The following ABCA13 variants were observed in gnomAD, a reference collection of about 807,000 sequenced individuals.
ABCA13 encodes ATP-binding cassette sub-family A member 13.
A neutral mutation model predicts 478.7 loss-of-function variants in ABCA13; 476 were observed. That is an observed-to-expected ratio of 0.99 (90% CI 0.92 to 1.07). The LOEUF is 1.07. Among genes scored for constraint, ABCA13 ranks in the 50% least tolerant of loss-of-function variants. The pLI, the probability that ABCA13 is intolerant of heterozygous loss-of-function variation, is 0.00. For synonymous variants in ABCA13, 2,252 were observed against 2,158.9 expected, an observed-to-expected ratio of 1.04 and a Z score of -1.20; for missense variants, 6,060 against 5,910.6, an observed-to-expected ratio of 1.03 and a Z score of -0.83.
At chr7:48,389,255 A>G (rs1815675353) in intron 37 of ABCA13, 35 bp downstream of exon 37, 1 of 1,571,286 alleles carries the variant, frequency 6.4e-7, no homozygotes, top group Non-Finnish European at 8.6e-7. Context: ...AACACTGGGC[A>G]TTTGATTCTT....
chr7:48,295,671 C>G, intron 20 of ABCA13, 29 bp from the exon 21 acceptor site: 1 of 1,613,096 alleles, frequency 6.2e-7, no homozygotes, highest in Non-Finnish European at 8.5e-7. Flanking sequence ...ATGTGTGCTT[C>G]TAACCTATAT....
chr7:48,363,370 G>A (rs974777283), intron 31 of ABCA13, among the ~76,000 whole-genome samples: 3 of 152,096 alleles, frequency 2.0e-5, no homozygotes, highest in Non-Finnish European at 4.4e-5. Flanking sequence ...ATTTTGGCAA[G>A]CTGCCAGTAG....
chr7:48,367,281 T>C (rs560983951), intron 31 of ABCA13, among the ~76,000 whole-genome samples: 1 of 152,174 alleles, frequency 6.6e-6, no homozygotes, highest in Non-Finnish European at 1.5e-5. Flanking sequence ...TGACTGTCAT[T>C]GATGCCCTAG....
chr7:48,565,120 C>T (rs1401467258), intron 55 of ABCA13, among the ~76,000 whole-genome samples: 1 of 151,262 alleles, frequency 6.6e-6, no homozygotes, highest in East Asian at 1.9e-4. Context: ...TCTTTAAAAA[C>T]ATGTCTTTGA....
chr7:48,360,584 A>C (rs1810669689), intron 31 of ABCA13, among the ~76,000 whole-genome samples: 1 of 151,974 alleles, frequency 6.6e-6, no homozygotes, highest in Non-Finnish European at 1.5e-5. Flanking sequence ...AGAGTGAAGA[A>C]AATAGAGAAA....
chr7:48,520,553 TAA>T (rs1176436891), intron 53 of ABCA13, among the ~76,000 whole-genome samples: 1 of 151,306 alleles, frequency 6.6e-6, no homozygotes, highest in African/African-American at 2.5e-5. Context: ...TTTCTTTTTT[TAA>T]AATTTTTTTT....
chr7:48,550,537 G>A (rs1415279731), intron 55 of ABCA13, among the ~76,000 whole-genome samples: 2 of 151,762 alleles, frequency 1.3e-5, no homozygotes, highest in Non-Finnish European at 2.9e-5. Context: ...GGGATTACAG[G>A]CGTGAGCCAC....
chr7:48,197,170 G>A (rs552062508), intron 2 of ABCA13, among the ~76,000 whole-genome samples: 5 of 152,356 alleles, frequency 3.3e-5, no homozygotes, highest in South Asian at 4.1e-4. Context: ...ACAGGCACAA[G>A]CCCAGGGTGC....
intron 7 of ABCA13, among the ~76,000 whole-genome samples, chr7:48,231,850 C>T (rs1221336896): frequency 2.0e-5 from 3 of 151,988 alleles, no homozygotes; most frequent in African/African-American, 7.2e-5. Flanking sequence ...TTAGTAGAGA[C>T]ATGGTTTCAC....
chr7:48,361,262 A>T (rs567606995), intron 31 of ABCA13, among the ~76,000 whole-genome samples: 1 of 152,000 alleles, frequency 6.6e-6, no homozygotes, highest in African/African-American at 2.4e-5. Flanking sequence ...TCAACTTTAA[A>T]TATGAACCAC....
In ABCA13 at chr7:48,207,541, G is replaced by A. The variant is rs146657193; in HGVS notation, c.287+9181G>A. Among the ~76,000 whole-genome samples the A allele has an allele frequency of 1.0e-3, 154 of 152,096 alleles. 1 individual carries two copies. The highest frequency in any genetic ancestry group is 3.6e-3 in the African/African-American group (151 of 41,534). ...ATTGTAATTTGGATTTTCCCTTCTTGGATGAGTAGTGATGTTAAGCAAGTG... is the reference window on the plus strand; with the variant it reads ...ATTGTAATTTGGATTTTCCCTTCTTAGATGAGTAGTGATGTTAAGCAAGTG... On this transcript the variant is annotated intron_variant, in intron 3 of 61. Coordinates refer to ENST00000435803, the MANE Select transcript of ABCA13 (RefSeq NM_152701.5).
chr7:48,298,589 C>A, intron 23 of ABCA13, 102 bp downstream of exon 23: 2 of 1,394,442 alleles, frequency 1.4e-6, no homozygotes, highest in East Asian at 2.4e-5. Flanking sequence ...CCTTCCTCTC[C>A]TTTGGCTAGT....
chr7:48,391,504 T>A (rs560455522), intron 37 of ABCA13, among the ~76,000 whole-genome samples: 1 of 152,338 alleles, frequency 6.6e-6, no homozygotes, highest in African/African-American at 2.4e-5. Flanking sequence ...AACACCTTAT[T>A]ATAAAATACG....
chr7:48,627,359 G>A (rs1793764644), intron 59 of ABCA13, among the ~76,000 whole-genome samples: 1 of 152,102 alleles, frequency 6.6e-6, no homozygotes, highest in African/African-American at 2.4e-5. Context: ...GGGCACCTGC[G>A]TGATGAAACC....
In ABCA13 at chr7:48,279,636, A is replaced by G. The variant is rs746997728; in HGVS notation, c.8442A>G (p.Lys2814=). The change falls in exon 18 of 62, where the codon AAA becomes AAG. Residue 2814 remains lysine (K), a synonymous_variant. Transcript: ENST00000435803. Reference sequence around the variant, plus strand: ...ATATAACTCATCATCAACTTGAAAAAGCAATCCATAATGTTTTAAGTAGAA... The same window carrying G: ...ATATAACTCATCATCAACTTGAAAAGGCAATCCATAATGTTTTAAGTAGAA... The part of the protein sequence containing the change: ...SQNITHHQLE[K]AIHNVLSRIA... The G allele has an allele frequency of 1.9e-6, 3 of 1,612,890 alleles. No individual in the cohort carries two copies. The highest frequency in any genetic ancestry group is 2.5e-6 in the Non-Finnish European group (3 of 1,179,482).
Position 48,279,396 on chromosome 7 carries a change from C to T in ABCA13, c.8202C>T (p.Phe2734=). 6.3e-7 allele frequency: 1 copy of T among 1,599,162 alleles called. No individual in the cohort carries two copies. The highest frequency in any genetic ancestry group is 8.5e-7 in the Non-Finnish European group (1 of 1,171,404). The change falls in exon 18 of 62, where the codon TTC becomes TTT. Residue 2734 remains phenylalanine, a synonymous_variant. Transcript: ENST00000435803. ...LSQNSTEIGS[F]LKMVICLTLE... ...AAAACAGCACAGAAATAGGATCTTT[C>T]TTGAAAATGGTGATCTGTCTCACCT...
intron 27 of ABCA13, among the ~76,000 whole-genome samples, chr7:48,332,647 T>A (rs898654669): frequency 2.0e-5 from 3 of 152,248 alleles, no homozygotes; most frequent in Non-Finnish European, 2.9e-5. Context: ...TTTCATTTTT[T>A]AAAGTTTTTC....
intron 55 of ABCA13, among the ~76,000 whole-genome samples, chr7:48,536,097 A>C (rs1353448263): frequency 3.3e-5 from 5 of 152,210 alleles, no homozygotes; most frequent in Admixed American, 3.3e-4. Flanking sequence ...ATGAGTCTTC[A>C]CATGCAGCTG....
At chr7:48,294,440 T>C (rs202183982) in intron 20 of ABCA13, among the ~76,000 whole-genome samples, 1 of 132,692 alleles carries the variant, frequency 7.5e-6, no homozygotes, top group Admixed American at 7.5e-5. Flanking sequence ...TTTTTTTTTT[T>C]TGTTTTGTTT....
Sources: gnomAD v4.1 joint callset for allele counts (sites outside exome capture counted in the v4.1 genomes callset) on GRCh38, gnomAD v4.1.1 for gene constraint, MANE v1.5 for transcripts, NCBI Gene and HGNC (gene_info 2026-07-23, HGNC 2026-07-21) for gene names.